Variants in ZNF780A observed in about 807,000 individuals in gnomAD.
ZNF780A encodes zinc finger protein 780A.
A neutral mutation model predicts 56.7 loss-of-function variants in ZNF780A; 40 were observed. The ratio of observed to expected loss-of-function variants is 0.71; its 90% CI spans 0.55 to 0.92. The LOEUF is 0.92. Ranked by LOEUF, ZNF780A falls within the 40% of genes least tolerant of loss-of-function variation. The pLI is 0.00. For missense variants in ZNF780A, 672 were observed against 783.3 expected, an observed-to-expected ratio of 0.86 and a Z score of 1.70; for synonymous variants, 231 against 248.3, an observed-to-expected ratio of 0.93 and a Z score of 0.66.
At chr19:40,084,922 C>T in intron 2 of ZNF780A, 124 bp from the exon 3 acceptor site, 2 of 1,198,250 alleles carry the variant, frequency 1.7e-6, no homozygotes, top group Non-Finnish European at 2.3e-6. Flanking sequence ...ACCCTTCTCC[C>T]ATCACTCCCC....
downstream of ZNF780A, chr19:40,071,883 CAT>C (rs1973831227): frequency 6.6e-6 from 1 of 152,296 alleles, no homozygotes; most frequent in Non-Finnish European, 1.5e-5. Context: ...AATCTAAACA[CAT>C]AGACAATTTT....
chr19:40,088,251 T>C (rs1045072400), intron 2 of ZNF780A, among the ~76,000 whole-genome samples: 1 of 152,074 alleles, frequency 6.6e-6, no homozygotes, highest in East Asian at 1.9e-4. Flanking sequence ...GAGAAAATAT[T>C]TGCAACCATA....
At chr19:40,077,933 A>C (rs1878811701) in intron 5 of ZNF780A, among the ~76,000 whole-genome samples, 1 of 151,858 alleles carries the variant, frequency 6.6e-6, no homozygotes, top group African/African-American at 2.4e-5. Context: ...GAACATAATA[A>C]TTCTCCAGAA....
At position 40,076,077 on chromosome 19, in the gene ZNF780A, G is replaced by T; in HGVS notation, c.365C>A (p.Ser122Ter). 6.2e-7 allele frequency: 1 copy of T among 1,613,668 alleles called. No individual in the cohort carries two copies. ...TAGTCCCTCAAATTGTCTATATTCT[G>T]AGTCATTTCTAAAATAAAAGGCCTC... ...GIEAFYFRND[S>*]EYRQFEGLQG... Residue 122 changes from serine to a stop codon, truncating the protein, a stop_gained, in exon 6 of 6, where the codon TCA becomes TAA. Transcript: ENST00000683561. LOFTEE classifies it high-confidence loss of function.
At position 40,076,135 on chromosome 19, in the gene ZNF780A, C is replaced by T. The variant is rs771265971; in HGVS notation, c.307G>A (p.Val103Ile). 25 of 1,604,310 alleles carry T rather than the reference C, an allele frequency of 1.6e-5. No individual in the cohort carries two copies. Among genetic ancestry groups the T allele is most frequent in the Non-Finnish European group, 1.8e-5 (21 of 1,177,438 alleles). Reference protein sequence around the residue: ...DTSEVNLPKQVIKQISTTLGI... With the variant: ...DTSEVNLPKQIIKQISTTLGI... ...AGAGTTGTACTTATTTGCTTTATAA[C>T]CTGTTTGGGTAAATTTACTTCAGAG... The change falls in exon 6 of 6, where the codon GTT (valine) becomes ATT (isoleucine). Residue 103 changes from valine (V) to isoleucine (I), a missense_variant. Physicochemically the swap from Val to Ile is conservative, Grantham distance 29. Coordinates refer to ENST00000683561, the MANE Select transcript of ZNF780A (RefSeq NM_001142578.2).
At chr19:40,088,004 A>G (rs542801596) in intron 2 of ZNF780A, among the ~76,000 whole-genome samples, 2 of 152,316 alleles carry the variant, frequency 1.3e-5, no homozygotes, top group East Asian at 3.9e-4. Context: ...TTATACAAAC[A>G]TCAACTCTAA....
At chr19:40,089,149 G>A (rs1290221943) in intron 2 of ZNF780A, 34 of 1,063,780 alleles carry the variant, frequency 3.2e-5, no homozygotes, top group Non-Finnish European at 4.1e-5. Context: ...CTGTAGTCTT[G>A]AAAAATGCTA....
At chr19:40,083,351 G>A (rs1974594530) in intron 3 of ZNF780A, 114 bp from the exon 4 acceptor site, 1 of 1,477,702 alleles carries the variant, frequency 6.8e-7, no homozygotes, top group Non-Finnish European at 9.1e-7. Flanking sequence ...AATTCACAGA[G>A]TGCCTGCACA....
intron 2 of ZNF780A, 53 bp downstream of exon 2, chr19:40,090,113 A>G (rs1316552744): frequency 2.0e-5 from 3 of 152,170 alleles, no homozygotes; most frequent in African/African-American, 7.2e-5. Context: ...GGAAATCTCA[A>G]TATTCTAAAA....
At position 40,082,568 on chromosome 19, in the gene ZNF780A, C is replaced by T. The variant is rs114926716; in HGVS notation, c.136+543G>A. On this transcript the variant is annotated intron_variant, in intron 4 of 5. Coordinates refer to ENST00000683561, the MANE Select transcript of ZNF780A (RefSeq NM_001142578.2). ...AATTTCTGTCAACCCAATCAGTATA[C>T]GTAAATAACAGACATTTTTGTTTGT... Among the ~76,000 whole-genome samples, 759 of 152,174 alleles carry T rather than the reference C, an allele frequency of 5.0e-3. 12 individuals carry two copies. Among genetic ancestry groups the T allele is most frequent in the African/African-American group, 0.017 (711 of 41,516 alleles).
chr19:40,076,177 A>G lies in ZNF780A; in HGVS notation c.265T>C (p.Ser89Pro). Residue 89 changes from serine to proline, a missense_variant, in exon 6 of 6, where the codon TCT (serine) becomes CCT (proline). By Grantham distance (74) the Ser-to-Pro change is moderately conservative. Transcript: ENST00000683561. ...LELKYGPEKV[S>P]PENDTSEVNL... ...ACTTCAGAGGTATCATTTTCTGGAG[A>G]TACTTTCTCAGGTCCATATTTTAAC... The G allele has an allele frequency of 1.3e-6, 2 of 1,573,236 alleles. No homozygotes were observed. Among genetic ancestry groups the G allele is most frequent in the Non-Finnish European group, 1.7e-6 (2 of 1,165,566 alleles).
In ZNF780A at chr19:40,075,214, T is replaced by G; in HGVS notation, c.1228A>C (p.Ile410Leu). ...TCATATGGTTTTATACCAGCATGAA[T>G]ACTCTGATGTTGAACAAGGTTTGAG... ...RSSNLVQHQS[I>L]HAGIKPYECK... Residue 410 changes from isoleucine (I) to leucine (L), a missense_variant, in exon 6 of 6, where the codon ATT (isoleucine) becomes CTT (leucine). Transcript: ENST00000683561. 3.7e-6 allele frequency: 6 copies of G among 1,613,514 alleles called. No individual in the cohort carries two copies. Among genetic ancestry groups the G allele is most frequent in the Non-Finnish European group, 5.1e-6 (6 of 1,179,900 alleles).
rs1468284446 is a variant in ZNF780A, at chr19:40,075,474, T to A, written c.968A>T (p.His323Leu). 1.2e-6 allele frequency: 2 copies of A among 1,614,008 alleles called. No homozygotes were observed. The highest frequency in any genetic ancestry group is 8.5e-7 in the Non-Finnish European group (1 of 1,180,016). The change falls in exon 6 of 6, where the codon CAT becomes CTT. Residue 323 changes from histidine to leucine, a missense_variant. Coordinates refer to ENST00000683561, the MANE Select transcript of ZNF780A (RefSeq NM_001142578.2). ...AFRYHYQLIE[H>L]CQIHTGEKPF... ...TTTCTCACCAGTATGAATTTGGCAA[T>A]GTTCAATAAGTTGGTAATGATATCG...
chr19:40,083,985 C>T (rs1974638819), intron 3 of ZNF780A, among the ~76,000 whole-genome samples: 1 of 152,098 alleles, frequency 6.6e-6, no homozygotes, highest in Non-Finnish European at 1.5e-5. Flanking sequence ...CTGCAACCTC[C>T]ACCTCCCAGG....
At position 40,078,055 on chromosome 19, in the gene ZNF780A, G is replaced by GA. The variant is rs201275209; in HGVS notation, c.233-1847dup. Among the ~76,000 whole-genome samples, 571 of 143,042 alleles carry GA rather than the reference G, an allele frequency of 4.0e-3. 5 individuals are homozygous for GA. Among genetic ancestry groups the GA allele is most frequent in the Middle Eastern group, 0.018 (5 of 282 alleles). The allele number at this position is 143,042 out of a possible 152,430, so 93.8% of individuals were successfully genotyped here. A position where few individuals can be genotyped will look rare whatever the true frequency, so the allele number is the denominator to read the frequency against. On this transcript the variant is annotated intron_variant, in intron 5 of 5. Transcript: ENST00000683561. ...TCGGAAGAACAATACAAACAAATCAGAAAAAAAAAACTCAGGATAAGAAGA... is the reference window on the plus strand; with the variant it reads ...TCGGAAGAACAATACAAACAAATCAGAAAAAAAAAAACTCAGGATAAGAAGA...
At chr19:40,077,727 A>G (rs1204335045) in intron 5 of ZNF780A, among the ~76,000 whole-genome samples, 1 of 152,168 alleles carries the variant, frequency 6.6e-6, no homozygotes, top group African/African-American at 2.4e-5. Flanking sequence ...CAGCCAAAAA[A>G]AAAATCATAA....
downstream of ZNF780A, chr19:40,070,270 A>T (rs1436569806): frequency 3.3e-5 from 5 of 152,158 alleles, no homozygotes. Flanking sequence ...ACTTAAGGGG[A>T]TTATATAATT....
intron 2 of ZNF780A, among the ~76,000 whole-genome samples, chr19:40,088,735 A>T (rs1246434541): frequency 6.6e-6 from 1 of 152,238 alleles, no homozygotes; most frequent in Non-Finnish European, 1.5e-5. Context: ...AATAGCCAAG[A>T]TATGGCATCA....
intron 2 of ZNF780A, among the ~76,000 whole-genome samples, chr19:40,085,954 GTATA>G (rs543905295): frequency 1.3e-5 from 2 of 150,018 alleles, no homozygotes; most frequent in Admixed American, 1.3e-4. Flanking sequence ...ACACGTGTGT[GTATA>G]TATATATGTG....
Sources: gnomAD v4.1 joint callset for allele counts (sites outside exome capture counted in the v4.1 genomes callset) on GRCh38, gnomAD v4.1.1 for gene constraint, MANE v1.5 for transcripts, NCBI Gene and HGNC (gene_info 2026-07-23, HGNC 2026-07-21) for gene names.